Variants in SESN3 observed in about 807,000 individuals in gnomAD.
SESN3 encodes the protein sestrin-3.
A neutral mutation model predicts 55.3 loss-of-function variants in SESN3; 21 were observed. The ratio of observed to expected loss-of-function variants is 0.38; its 90% CI spans 0.27 to 0.55. SESN3 has a LOEUF of 0.55. Ranked by LOEUF, SESN3 falls within the 20% of genes least tolerant of loss-of-function variation. The probability of loss-of-function intolerance (pLI) is 0.76; values close to 1 mark genes in which losing one functional copy is unlikely to be tolerated. For missense variants in SESN3, 408 were observed against 604.3 expected (o/e 0.68, Z 3.41); for synonymous variants, 181 against 203.1 (o/e 0.89, Z 0.93).
intron 1 of SESN3, among the ~76,000 whole-genome samples, chr11:95,199,281 G>A (rs1276410884): frequency 6.6e-6 from 1 of 151,920 alleles, no homozygotes; most frequent in Non-Finnish European, 1.5e-5. Context: ...ACTTGTATGT[G>A]CTCTAAGAGA....
At chr11:95,193,706 G>A (rs1395163961) in intron 1 of SESN3, among the ~76,000 whole-genome samples, 184 bp from the exon 2 acceptor site, 2 of 151,998 alleles carry the variant, frequency 1.3e-5, no homozygotes, top group Non-Finnish European at 2.9e-5. Context: ...TGAGATAATG[G>A]GGCAAACACC....
intron 9 of SESN3, among the ~76,000 whole-genome samples, chr11:95,174,267 A>G (rs957845029): frequency 6.6e-6 from 1 of 152,228 alleles, no homozygotes; most frequent in African/African-American, 2.4e-5. Flanking sequence ...ACTGTTGTAT[A>G]AAGGAGATTC....
At chr11:95,201,550 A>G (rs1287182419) in intron 1 of SESN3, among the ~76,000 whole-genome samples, 2 of 152,034 alleles carry the variant, frequency 1.3e-5, no homozygotes, top group African/African-American at 2.4e-5. Flanking sequence ...AAGTTGTTAT[A>G]TTTATACATT....
chr11:95,224,376 A>G, intron 1 of SESN3: 1 of 383,818 alleles, frequency 2.6e-6, no homozygotes, highest in Non-Finnish European at 5.1e-6. Flanking sequence ...AAGCAAAATG[A>G]TCCTGAAAAC....
chr11:95,230,790 A>G lies in SESN3; in HGVS notation c.71T>C (p.Leu24Pro). Residue 24 changes from leucine to proline, a missense_variant, in exon 1 of 10, where the codon CTG becomes CCG. Leu to Pro is a moderately conservative substitution (Grantham distance 98, BLOSUM62 -3). This residue lies in a region of SESN3 where 61 missense variants were observed against 48.3 expected (regional missense o/e 1.26). Transcript: ENST00000536441. The surrounding 1 kb of genome is among the most constrained non-coding windows in gnomAD (Gnocchi z 4.6). ...CCCGGGCCGAACCCGTACCTTCCGC[A>G]GCACTTTCCGGCAGTTGGTACAGAG... ...YLLCTNCRKV[L>P]RKDKRIRVSQ... 6.2e-7 allele frequency: 1 copy of G among 1,605,724 alleles called. No homozygotes were observed. The highest frequency in any genetic ancestry group is 8.5e-7 in the Non-Finnish European group (1 of 1,176,728).
intron 9 of SESN3, among the ~76,000 whole-genome samples, chr11:95,174,420 T>C (rs140257806): frequency 5.9e-4 from 90 of 152,348 alleles, no homozygotes; most frequent in Non-Finnish European, 1.2e-3. Context: ...TGTAACAGTA[T>C]ATTTGGCTCA....
upstream of SESN3, chr11:95,231,458 A>T: frequency 3.8e-6 from 1 of 266,090 alleles, no homozygotes; most frequent in Non-Finnish European, 7.1e-6. Flanking sequence ...AGCAGGGAAC[A>T]GTTTGCTCTC....
At position 95,189,974 on chromosome 11, in the gene SESN3, G is replaced by A. The variant is rs1565466482; in HGVS notation, c.343-13C>T. 4.5e-6 allele frequency: 7 copies of A among 1,563,126 alleles called. No homozygotes were observed. The highest frequency in any genetic ancestry group is 4.0e-5 in the Admixed American group (2 of 49,390). On this transcript the variant is annotated splice_polypyrimidine_tract_variant and intron_variant, in intron 3 of 9. Coordinates refer to ENST00000536441, the MANE Select transcript of SESN3 (RefSeq NM_144665.4). ...GTCTAGCTGCAGCCTAAAGCACAAA[G>A]AAAAAAATTCATTGATAAAAGAATC...
At chr11:95,218,467 A>G (rs1250026698) in intron 1 of SESN3, among the ~76,000 whole-genome samples, 1 of 152,238 alleles carries the variant, frequency 6.6e-6, no homozygotes, top group Non-Finnish European at 1.5e-5. Context: ...AGATATTCAT[A>G]TAGTATTCAG....
At position 95,166,007 on chromosome 11, in the gene SESN3, C is replaced by A. The variant is rs1005527288; in HGVS notation, c.*7248G>T. Reference sequence around the variant, plus strand: ...TTGAAAAGGCTTATATGGTTAACTACCTTAGACTATATCTACAGCAGGGTC... The same window carrying A: ...TTGAAAAGGCTTATATGGTTAACTAACTTAGACTATATCTACAGCAGGGTC... On this transcript the variant is annotated 3_prime_UTR_variant, in exon 10 of 10. Coordinates refer to ENST00000536441, the MANE Select transcript of SESN3 (RefSeq NM_144665.4). 9 of 152,136 alleles carry A rather than the reference C, an allele frequency of 5.9e-5. No individual in the cohort carries two copies. The highest frequency in any genetic ancestry group is 2.2e-4 in the African/African-American group (9 of 41,430). 9.4% of individuals were successfully genotyped at this position (152,136 alleles called of 1,614,324 possible).
chr11:95,224,554 A>T (rs990303733), intron 1 of SESN3: 2 of 393,074 alleles, frequency 5.1e-6, no homozygotes, highest in African/African-American at 4.3e-5. Context: ...TATTGGCTCA[A>T]TGAGTTATGT....
chr11:95,204,078 A>C (rs1202481787), intron 1 of SESN3: 1 of 152,172 alleles, frequency 6.6e-6, no homozygotes, highest in Non-Finnish European at 1.5e-5. Context: ...AGAAATGTAT[A>C]CTAAAGTATA....
intron 1 of SESN3, among the ~76,000 whole-genome samples, chr11:95,227,573 T>C (rs573591286): frequency 1.0e-3 from 157 of 152,306 alleles, no homozygotes; most frequent in African/African-American, 3.4e-3. Flanking sequence ...TCAAAATATA[T>C]GATCATATAA....
chr11:95,222,981 T>C (rs977903525), intron 1 of SESN3, among the ~76,000 whole-genome samples: 2 of 152,168 alleles, frequency 1.3e-5, no homozygotes, highest in African/African-American at 4.8e-5. Flanking sequence ...CCGCCATCTG[T>C]ACTCCTACCA....
chr11:95,186,863 T>G (rs1335313429), intron 4 of SESN3, among the ~76,000 whole-genome samples: 1 of 151,944 alleles, frequency 6.6e-6, no homozygotes, highest in East Asian at 1.9e-4. Context: ...ATATACTTGC[T>G]TTACATCTGT....
chr11:95,186,378 C>A (rs1860167368), intron 4 of SESN3, among the ~76,000 whole-genome samples: 1 of 151,728 alleles, frequency 6.6e-6, no homozygotes, highest in African/African-American at 2.4e-5. Flanking sequence ...GCTTTACTAC[C>A]CACTATTTAA....
intron 4 of SESN3, among the ~76,000 whole-genome samples, chr11:95,189,316 G>A (rs1271610408): frequency 1.3e-5 from 2 of 151,888 alleles, no homozygotes; most frequent in Admixed American, 1.3e-4. Flanking sequence ...ACACCAGCTG[G>A]CAAATCACTT....
intron 1 of SESN3, among the ~76,000 whole-genome samples, chr11:95,197,586 A>G (rs969581616): frequency 6.6e-6 from 1 of 151,872 alleles, no homozygotes; most frequent in Non-Finnish European, 1.5e-5. Flanking sequence ...CTGAGCTTCC[A>G]TAACACTTTA....
chr11:95,225,521 C>A (rs1325250445), intron 1 of SESN3, among the ~76,000 whole-genome samples: 1 of 152,162 alleles, frequency 6.6e-6, no homozygotes, highest in Non-Finnish European at 1.5e-5. Context: ...TATTCCCTAG[C>A]AGCCTCAATA....
Sources: allele counts gnomAD v4.1 joint callset (sites outside exome capture counted in the v4.1 genomes callset), GRCh38; gene constraint gnomAD v4.1.1; regional missense constraint gnomAD v4.1.1; non-coding constraint Gnocchi (gnomAD v3.1); transcripts MANE v1.5; gene names NCBI Gene and HGNC (gene_info 2026-07-23, HGNC 2026-07-21).